Variants in MAOA observed in about 807,000 individuals in gnomAD.
MAOA encodes the protein monoamine oxidase A, also known as amine oxidase [flavin-containing] A.
MAOA carries 6 observed loss-of-function variants against 42.0 expected under a neutral mutation model. The ratio of observed to expected loss-of-function variants is 0.14; its 90% confidence interval spans 0.08 to 0.28. The LOEUF is 0.28. MAOA is among the 10% of genes least tolerant of loss of function. The probability of loss-of-function intolerance (pLI) is 1.00; values close to 1 mark genes in which losing one functional copy is unlikely to be tolerated. For synonymous variants in MAOA, 140 were observed against 154.0 expected (o/e 0.91, Z 0.67); for missense variants, 262 against 422.3 (o/e 0.62, Z 3.33).
upstream of MAOA, chrX:43,655,190 T>TACCGGC (rs985179724): frequency 8.8e-6 from 1 of 113,548 alleles, no homozygotes; most frequent in African/African-American, 3.4e-5. Context: ...CCCGCACCAG[T>TACCGGC]ACCGGCACCG....
chrX:43,716,713 A>G (rs920262361), intron 5 of MAOA, among the ~76,000 whole-genome samples: 34 of 109,909 alleles, frequency 3.1e-4, no homozygotes, highest in Non-Finnish European at 5.5e-4. Flanking sequence ...GTTTAGGCAA[A>G]TGGTATCTCC....
intron 5 of MAOA, among the ~76,000 whole-genome samples, chrX:43,717,691 C>A (rs1269481404): frequency 1.8e-5 from 2 of 110,160 alleles, no homozygotes; most frequent in African/African-American, 6.6e-5. Context: ...ATGGTATCTT[C>A]CATGAATGAC....
chrX:43,718,140 A>C (rs968257870), intron 5 of MAOA, among the ~76,000 whole-genome samples: 1 of 106,609 alleles, frequency 9.4e-6, no homozygotes, highest in Non-Finnish European at 2.0e-5. Context: ...GTATGGGTGG[A>C]TGGTATCTTC....
At chrX:43,731,485 T>C in intron 7 of MAOA, 95 bp downstream of exon 7, 1 of 996,002 alleles carries the variant, frequency 1.0e-6, no homozygotes, top group Non-Finnish European at 1.4e-6. Flanking sequence ...GCATAATTAA[T>C]GCTGACATGT....
chrX:43,712,067 C>T, intron 4 of MAOA, 91 bp downstream of exon 4: 3 of 685,908 alleles, frequency 4.4e-6, no homozygotes, highest in Non-Finnish European at 7.1e-6. Context: ...GAACATTGCT[C>T]TGGACACCAA....
At chrX:43,671,582 C>T (rs896023966) in intron 1 of MAOA, among the ~76,000 whole-genome samples, 9 of 105,864 alleles carry the variant, frequency 8.5e-5, no homozygotes, top group African/African-American at 2.1e-4. Context: ...TTAGGTCTAA[C>T]GTTTAAGTCT....
chrX:43,670,701 G>T (rs1268256773), intron 1 of MAOA, among the ~76,000 whole-genome samples: 2 of 102,586 alleles, frequency 1.9e-5, no homozygotes, highest in African/African-American at 7.2e-5. Flanking sequence ...TGCGGTGTTT[G>T]GTTTTTTGTC....
At chrX:43,740,852 T>C (rs1402116231) in intron 11 of MAOA, 114 bp downstream of exon 11, 1 of 656,163 alleles carries the variant, frequency 1.5e-6, no homozygotes, top group Non-Finnish European at 2.2e-6. Flanking sequence ...TAAAGCGATA[T>C]GCTTAACTTG....
At chrX:43,695,503 G>A (rs1166688155) in intron 3 of MAOA, among the ~76,000 whole-genome samples, 2 of 111,312 alleles carry the variant, frequency 1.8e-5, no homozygotes, top group Admixed American at 9.6e-5. Context: ...GGCCAAGGCG[G>A]GAGGATCATC....
intron 1 of MAOA, among the ~76,000 whole-genome samples, chrX:43,681,880 A>ATATTTT (rs1337382916): frequency 2.3e-5 from 2 of 87,562 alleles, no homozygotes; most frequent in Admixed American, 1.4e-4. Flanking sequence ...ATATATATAT[A>ATATTTT]TTTTTTTTTT....
chrX:43,707,387 A>G (rs770844128), intron 3 of MAOA, among the ~76,000 whole-genome samples: 1 of 111,934 alleles, frequency 8.9e-6, no homozygotes, highest in Admixed American at 9.5e-5. Context: ...TACAAGTCAG[A>G]TTTTAGAAAA....
chrX:43,736,764 G>T (rs1002557692), intron 10 of MAOA, among the ~76,000 whole-genome samples: 20 of 101,447 alleles, frequency 2.0e-4, no homozygotes, highest in East Asian at 1.2e-3. Flanking sequence ...TAGGACAGTG[G>T]TTTTTTTTTT....
chrX:43,670,900 A>T (rs1332825002), intron 1 of MAOA, among the ~76,000 whole-genome samples: 1 of 108,585 alleles, frequency 9.2e-6, no homozygotes, highest in African/African-American at 3.5e-5. Context: ...CACAATAAAC[A>T]TATGTGTGCA....
At chrX:43,709,699 C>T (rs989869824) in intron 3 of MAOA, among the ~76,000 whole-genome samples, 7 of 111,562 alleles carry the variant, frequency 6.3e-5, no homozygotes, top group South Asian at 3.8e-4. Flanking sequence ...CTGAGGCTGC[C>T]CCTGAGCTAT....
chrX:43,665,513 AAGAT>A (rs1427239344), intron 1 of MAOA, among the ~76,000 whole-genome samples: 2 of 111,323 alleles, frequency 1.8e-5, no homozygotes, highest in Non-Finnish European at 3.8e-5. Flanking sequence ...GTTTCAATGA[AAGAT>A]TGGGGCGAAT....
At chrX:43,743,718 A>G (rs5905418) in intron 12 of MAOA, 76 bp from the exon 13 acceptor site, 40,714 of 1,066,738 alleles carry the variant, frequency 0.038, 662 homozygotes, top group Middle Eastern at 0.13. Context: ...TGCAGACTAA[A>G]TGAGGGCAGT....
At chrX:43,744,060 T>C in intron 13 of MAOA, 49 bp from the exon 14 acceptor site, 1 of 1,197,958 alleles carries the variant, frequency 8.3e-7, no homozygotes. Flanking sequence ...CTTGAATCTG[T>C]AGAAACTATA....
intron 3 of MAOA, among the ~76,000 whole-genome samples, chrX:43,705,653 C>A (rs2033653966): frequency 8.9e-6 from 1 of 111,789 alleles, no homozygotes; most frequent in Admixed American, 9.5e-5. Context: ...TGTATACCAT[C>A]AAGAAACTGA....
chrX:43,730,547 A>G (rs1214834272), intron 6 of MAOA, among the ~76,000 whole-genome samples: 2 of 93,053 alleles, frequency 2.1e-5, no homozygotes, highest in Admixed American at 1.4e-4. Flanking sequence ...GCTGGAGTGC[A>G]GTGGTGCAAT....
Sources: gnomAD v4.1 joint callset for allele counts (sites outside exome capture counted in the v4.1 genomes callset) on GRCh38, gnomAD v4.1.1 for gene constraint, MANE v1.5 for transcripts, NCBI Gene and HGNC (gene_info 2026-07-23, HGNC 2026-07-21) for gene names.